Variants in EPHA6 observed in about 807,000 individuals in gnomAD.
The protein encoded by EPHA6 is ephrin type-A receptor 6.
Under a neutral mutation model 112.0 loss-of-function variants are expected in EPHA6, and 50 were observed. The observed-to-expected ratio is 0.45, with a 90% CI of 0.36 to 0.56. The LOEUF (loss-of-function observed/expected upper bound fraction) is 0.56, where lower values mean the gene tolerates loss of function less well. EPHA6 is among the 20% of genes least tolerant of loss of function. EPHA6 has a pLI of 0.00. For synonymous variants in EPHA6, 529 were observed against 490.7 expected (o/e 1.08, Z -1.03); for missense variants, 1,280 against 1,417.4 (o/e 0.90, Z 1.56).
intron 11 of EPHA6, among the ~76,000 whole-genome samples, chr3:97,535,866 A>T (rs879942008): frequency 2.0e-5 from 3 of 152,048 alleles, no homozygotes; most frequent in Non-Finnish European, 4.4e-5. Flanking sequence ...CTCATATAGG[A>T]TTTATCTCTG....
At chr3:97,728,679 G>A (rs1020763219) in intron 15 of EPHA6, among the ~76,000 whole-genome samples, 1 of 152,134 alleles carries the variant, frequency 6.6e-6, no homozygotes, top group African/African-American at 2.4e-5. Context: ...ATTGCAGACA[G>A]AGTCCAGTCC....
At chr3:97,177,007 T>C (rs1384030967) in intron 3 of EPHA6, among the ~76,000 whole-genome samples, 1 of 151,960 alleles carries the variant, frequency 6.6e-6, no homozygotes, top group East Asian at 1.9e-4. Context: ...TCTCTTTTGA[T>C]GTAGGCACTT....
intron 6 of EPHA6, among the ~76,000 whole-genome samples, chr3:97,414,480 G>A (rs2087969637): frequency 6.6e-6 from 1 of 151,956 alleles, no homozygotes; most frequent in Non-Finnish European, 1.5e-5. Flanking sequence ...TACTACAAAA[G>A]TGCTCTGATA....
chr3:97,027,192 A>T (rs2044669658), intron 3 of EPHA6, among the ~76,000 whole-genome samples: 2 of 152,184 alleles, frequency 1.3e-5, no homozygotes, highest in South Asian at 4.1e-4. Flanking sequence ...ACAGGAACAG[A>T]AAACTAAATA....
At position 97,749,534 on chromosome 3, in the gene EPHA6, T is replaced by C. The variant is rs551337155; in HGVS notation, c.*833T>C. Among the ~76,000 whole-genome samples, 8 of 152,292 alleles carry C rather than the reference T, an allele frequency of 5.3e-5. No homozygotes were observed. The South Asian group carries it at 8.3e-4, about 16-fold the overall frequency. On this transcript the variant is annotated 3_prime_UTR_variant, in exon 18 of 18. Coordinates refer to ENST00000389672, the MANE Select transcript of EPHA6 (RefSeq NM_001080448.3). Reference sequence around the variant, plus strand: ...ACCAAGGGTGACTTCATTGATCTAATGGCTTTCATAGAGAAAAGCTTGGGA... The same window carrying C: ...ACCAAGGGTGACTTCATTGATCTAACGGCTTTCATAGAGAAAAGCTTGGGA...
At chr3:97,369,765 C>T (rs2084945845) in intron 5 of EPHA6, among the ~76,000 whole-genome samples, 1 of 152,008 alleles carries the variant, frequency 6.6e-6, no homozygotes, top group African/African-American at 2.4e-5. Flanking sequence ...AATATATGTC[C>T]TTCCTATATT....
chr3:97,111,585 G>A lies in EPHA6; in HGVS notation c.1115-114679G>A, dbSNP rs575305949. On this transcript the variant is annotated intron_variant, in intron 3 of 17. Coordinates refer to ENST00000389672, the MANE Select transcript of EPHA6 (RefSeq NM_001080448.3). ...TTATATTTTTCCCTGGAAACAAAAT[G>A]TAATTGCTTTTCTGCTTAGATGCAC... is the stretch of plus-strand genomic sequence containing the variant. Among the ~76,000 whole-genome samples, 57 of 152,184 alleles carry A rather than the reference G, an allele frequency of 3.7e-4. 1 individual carries two copies. Among genetic ancestry groups the A allele is most frequent in the African/African-American group, 1.1e-3 (46 of 41,554 alleles).
intron 5 of EPHA6, among the ~76,000 whole-genome samples, chr3:97,245,035 T>C (rs1213461808): frequency 1.3e-5 from 2 of 152,030 alleles, no homozygotes; most frequent in Non-Finnish European, 2.9e-5. Flanking sequence ...ATAAATTATA[T>C]GGGCACACAA....
At chr3:97,259,472 C>G (rs991824370) in intron 5 of EPHA6, among the ~76,000 whole-genome samples, 11 of 152,096 alleles carry the variant, frequency 7.2e-5, no homozygotes, top group African/African-American at 2.2e-4. Context: ...TTCTATGATG[C>G]AATACTTTCC....
chr3:96,849,498 A>G (rs1431734144), intron 1 of EPHA6, among the ~76,000 whole-genome samples: 2 of 152,118 alleles, frequency 1.3e-5, no homozygotes, highest in African/African-American at 2.4e-5. Flanking sequence ...AATTTTTTAT[A>G]GTTGCTTGGT....
Position 96,961,702 on chromosome 3 carries a change from A to G in EPHA6, c.451-25628A>G, listed in dbSNP as rs537249449. Among the ~76,000 whole-genome samples the G allele has an allele frequency of 3.9e-5, 6 of 152,286 alleles. No individual in the cohort carries two copies. The East Asian group carries it at 9.7e-4, about 25-fold the overall frequency. On this transcript the variant is annotated intron_variant, in intron 2 of 17. Transcript: ENST00000389672. Reference sequence around the variant, plus strand: ...ATGTTGGCAATTGAGATACTTCAGGATGTTAGCCTATCCACAATCCTACTT... The same window carrying G: ...ATGTTGGCAATTGAGATACTTCAGGGTGTTAGCCTATCCACAATCCTACTT...
At chr3:97,692,361 C>T (rs546542466) in intron 14 of EPHA6, among the ~76,000 whole-genome samples, 14 of 152,146 alleles carry the variant, frequency 9.2e-5, no homozygotes, top group East Asian at 7.7e-4. Context: ...ATGTAATAAA[C>T]CTTTTGCAAA....
chr3:97,254,862 C>A (rs2079256024), intron 5 of EPHA6, among the ~76,000 whole-genome samples: 1 of 152,090 alleles, frequency 6.6e-6, no homozygotes. Flanking sequence ...AAGAGGAAAA[C>A]AGAAAAAATA....
chr3:97,078,122 A>C (rs1487869537), intron 3 of EPHA6, among the ~76,000 whole-genome samples: 1 of 152,006 alleles, frequency 6.6e-6, no homozygotes, highest in African/African-American at 2.4e-5. Context: ...TGTGGTTTTG[A>C]TTTGCATTTC....
chr3:97,499,959 CTTT>C (rs1365484559), intron 10 of EPHA6, among the ~76,000 whole-genome samples: 2 of 151,904 alleles, frequency 1.3e-5, no homozygotes, highest in Non-Finnish European at 2.9e-5. Flanking sequence ...ATTTTATAAA[CTTT>C]TTAACTTTTT....
At chr3:97,690,316 C>A (rs1414434890) in intron 14 of EPHA6, among the ~76,000 whole-genome samples, 5 of 152,140 alleles carry the variant, frequency 3.3e-5, no homozygotes, top group Admixed American at 1.3e-4. Context: ...CTGTTGTTGT[C>A]TATCTTTTTC....
At chr3:97,056,193 C>T (rs1576404096) in intron 3 of EPHA6, among the ~76,000 whole-genome samples, 1 of 152,074 alleles carries the variant, frequency 6.6e-6, no homozygotes, top group African/African-American at 2.4e-5. Context: ...AATACAGCAT[C>T]GCAAACCTAC....
intron 14 of EPHA6, among the ~76,000 whole-genome samples, chr3:97,674,669 A>T (rs1442344478): frequency 6.6e-6 from 1 of 152,210 alleles, no homozygotes; most frequent in Non-Finnish European, 1.5e-5. Flanking sequence ...CCACTTTAGG[A>T]AACGGTTATT....
intron 11 of EPHA6, among the ~76,000 whole-genome samples, chr3:97,575,092 G>A (rs2093369826): frequency 1.3e-5 from 2 of 152,054 alleles, no homozygotes; most frequent in African/African-American, 4.8e-5. Context: ...AAACTGAAGA[G>A]AGTGATACTA....
Sources: gnomAD v4.1 joint callset for allele counts (sites outside exome capture counted in the v4.1 genomes callset) on GRCh38, gnomAD v4.1.1 for gene constraint, MANE v1.5 for transcripts, NCBI Gene and HGNC (gene_info 2026-07-23, HGNC 2026-07-21) for gene names.